SLC5A4: variants seen among roughly 807,000 people sequenced by gnomAD.
SLC5A4 encodes probable glucose sensor protein SLC5A4.
In SLC5A4, 55 loss-of-function variants were observed where a neutral mutation model predicts 70.3. The ratio of observed to expected loss-of-function variants is 0.78; its 90% CI spans 0.63 to 0.98. The LOEUF (loss-of-function observed/expected upper bound fraction) is 0.98, where lower values mean the gene tolerates loss of function less well. SLC5A4 is among the 50% of genes least tolerant of loss of function. SLC5A4 has a pLI of 0.00. For synonymous variants in SLC5A4, 268 were observed against 305.7 expected, an observed-to-expected ratio of 0.88 and a Z score of 1.29; for missense variants, 735 against 839.2, an observed-to-expected ratio of 0.88 and a Z score of 1.53.
At chr22:32,337,289 C>T in the SLC5A4 span, among the ~76,000 whole-genome samples, 34,992 of 152,180 alleles carry the variant, frequency 0.23, 4,688 homozygotes, top group East Asian at 0.48. Context: ...TCCCAGAACT[C>T]TGGGAGGCCA....
the SLC5A4 span, among the ~76,000 whole-genome samples, chr22:32,333,474 G>A: frequency 6.6e-6 from 1 of 152,134 alleles, no homozygotes; most frequent in Non-Finnish European, 1.5e-5. Flanking sequence ...CCCAGTCCTG[G>A]CCTGGGGCCC....
chr22:32,354,907 G>C, the SLC5A4 span: 1 of 152,372 alleles, frequency 6.6e-6, no homozygotes, highest in Non-Finnish European at 1.5e-5. Context: ...GGTGAGCCAC[G>C]GCAGGCTCCA....
chr22:32,275,149 CA>C, the SLC5A4 span, among the ~76,000 whole-genome samples: 4 of 148,612 alleles, frequency 2.7e-5, no homozygotes, highest in Non-Finnish European at 5.9e-5. Context: ...GCTGGAGATA[CA>C]AAAGAAAAAT....
chr22:32,338,894 T>A, the SLC5A4 span, among the ~76,000 whole-genome samples: 1 of 152,078 alleles, frequency 6.6e-6, no homozygotes, highest in African/African-American at 2.4e-5. Flanking sequence ...CTCACAAAGG[T>A]GTCTGCTGTT....
the SLC5A4 span, among the ~76,000 whole-genome samples, chr22:32,267,667 A>G: frequency 1.6e-4 from 24 of 152,296 alleles, no homozygotes; most frequent in Non-Finnish European, 1.5e-5. Flanking sequence ...TCTTAACAAC[A>G]TCATTTACAT....
the SLC5A4 span, among the ~76,000 whole-genome samples, chr22:32,347,905 A>G: frequency 6.6e-6 from 1 of 151,272 alleles, no homozygotes; most frequent in Non-Finnish European, 1.5e-5. Context: ...AAAATTACCC[A>G]CAAAAAAAAA....
At chr22:32,333,040 G>A in the SLC5A4 span, among the ~76,000 whole-genome samples, 25 of 152,202 alleles carry the variant, frequency 1.6e-4, no homozygotes, top group Non-Finnish European at 3.4e-4. Flanking sequence ...GCTGAGAGAT[G>A]GCTTAGAAGC....
the SLC5A4 span, among the ~76,000 whole-genome samples, chr22:32,317,447 CTTTT>C: frequency 6.6e-6 from 1 of 151,956 alleles, no homozygotes; most frequent in Admixed American, 6.6e-5. Flanking sequence ...ACTCCATGTT[CTTTT>C]TTTAATTTTT....
chr22:32,254,293 G>T, intron 1 of SLC5A4, 80 bp from the exon 2 acceptor site: 1 of 1,002,004 alleles, frequency 1.0e-6, no homozygotes, highest in Non-Finnish European at 1.6e-6. Flanking sequence ...CCAGGGTGCT[G>T]AGAGGGGTGA....
the SLC5A4 span, among the ~76,000 whole-genome samples, chr22:32,306,709 C>T: frequency 6.6e-6 from 1 of 152,192 alleles, no homozygotes; most frequent in Non-Finnish European, 1.5e-5. Context: ...GACACATCAC[C>T]CTTTTGTGGG....
At position 32,239,556 on chromosome 22, in the gene SLC5A4, A is replaced by ATATATATATATATATT. The variant is rs1569374862; in HGVS notation, c.478-467_478-466insAATATATATATATATA. Among the ~76,000 whole-genome samples, 14 of 20,890 alleles carry ATATATATATATATATT rather than the reference A, an allele frequency of 6.7e-4. 1 individual carries two copies. The highest frequency in any genetic ancestry group is 3.3e-3 in the African/African-American group (14 of 4,192). 13.7% of individuals were successfully genotyped at this position (20,890 alleles called of 152,430 possible). The stretch of plus-strand genomic sequence containing the variant: ...TATATATATATATATATATATATAT[A>ATATATATATATATATT]TATATATATATATTTATATATATAT... On this transcript the variant is annotated intron_variant, in intron 5 of 14. Transcript: ENST00000266086.
chr22:32,305,321 G>GAGAAACAAGAGGCA, the SLC5A4 span, among the ~76,000 whole-genome samples: 1 of 130,242 alleles, frequency 7.7e-6, no homozygotes. Flanking sequence ...TAGTCTCTCT[G>GAGAAACAAGAGGCA]CCTGTCTCCT....
the SLC5A4 span, among the ~76,000 whole-genome samples, chr22:32,294,821 A>G: frequency 2.5e-5 from 1 of 39,350 alleles, no homozygotes; most frequent in Non-Finnish European, 4.8e-5. Context: ...CCCCTCCCCC[A>G]ACCCCACAAC....
intron 13 of SLC5A4, among the ~76,000 whole-genome samples, chr22:32,223,617 G>A (rs1925213372): frequency 6.6e-6 from 1 of 152,022 alleles, no homozygotes; most frequent in Non-Finnish European, 1.5e-5. Context: ...ACCCAAACAG[G>A]CACAGCCCAG....
At chr22:32,327,113 C>T in the SLC5A4 span, 4 of 152,266 alleles carry the variant, frequency 2.6e-5, no homozygotes, top group African/African-American at 9.6e-5. Context: ...AGCTACGGGA[C>T]ACTCACATAA....
chr22:32,339,426 C>T, the SLC5A4 span, among the ~76,000 whole-genome samples: 1 of 152,132 alleles, frequency 6.6e-6, no homozygotes, highest in African/African-American at 2.4e-5. Context: ...CCCACTGGCC[C>T]GTAGACAGGA....
chr22:32,299,394 T>C, the SLC5A4 span, among the ~76,000 whole-genome samples: 1 of 125,380 alleles, frequency 8.0e-6, no homozygotes, highest in Non-Finnish European at 1.7e-5. Flanking sequence ...TCTCGCTTCA[T>C]TTCATTCATT....
the SLC5A4 span, among the ~76,000 whole-genome samples, chr22:32,337,183 T>C: frequency 6.6e-6 from 1 of 152,212 alleles, no homozygotes; most frequent in Non-Finnish European, 1.5e-5. Flanking sequence ...TTGCCTCTTG[T>C]CCTGGCTATC....
chr22:32,301,052 T>G, the SLC5A4 span, among the ~76,000 whole-genome samples: 3 of 152,102 alleles, frequency 2.0e-5, no homozygotes, highest in Non-Finnish European at 2.9e-5. Context: ...AGCCTCCACC[T>G]CCCAGGTTCA....
Sources: gnomAD v4.1 joint callset for allele counts (sites outside exome capture counted in the v4.1 genomes callset) on GRCh38, gnomAD v4.1.1 for gene constraint, MANE v1.5 for transcripts, NCBI Gene and HGNC (gene_info 2026-07-23, HGNC 2026-07-21) for gene names.